RFFL: variants seen among roughly 807,000 people sequenced by gnomAD.
RFFL encodes the protein ring finger and FYVE like domain containing E3 ubiquitin protein ligase, also known as E3 ubiquitin-protein ligase rififylin.
Under a neutral mutation model 40.4 loss-of-function variants are expected in RFFL, and 16 were observed. The ratio of observed to expected loss-of-function variants is 0.40; its 90% CI spans 0.27 to 0.60. RFFL has a LOEUF of 0.60. Ranked by LOEUF, RFFL falls within the 20% of genes least tolerant of loss-of-function variation. RFFL has a pLI of 0.47. For synonymous variants in RFFL, 154 were observed against 167.9 expected (o/e 0.92, Z 0.64); for missense variants, 367 against 451.7 (o/e 0.81, Z 1.70).
intron 1 of RFFL, among the ~76,000 whole-genome samples, chr17:35,084,997 A>G (rs1384876760): frequency 1.3e-5 from 2 of 152,178 alleles, no homozygotes; most frequent in Non-Finnish European, 1.5e-5. Flanking sequence ...CATAGTAGTA[A>G]TAATAAATTA....
At chr17:35,081,070 A>T (rs1216900869) in intron 1 of RFFL, among the ~76,000 whole-genome samples, 1 of 152,220 alleles carries the variant, frequency 6.6e-6, no homozygotes, top group Non-Finnish European at 1.5e-5. Context: ...TGAGAGAGCA[A>T]GAAGGTTTTG....
chr17:35,078,979 CAAAA>C (rs1035264568), intron 1 of RFFL, among the ~76,000 whole-genome samples: 2 of 77,244 alleles, frequency 2.6e-5, no homozygotes, highest in Non-Finnish European at 2.9e-5. Context: ...GACACTGTTT[CAAAA>C]AAAAAAAAAA....
chr17:35,059,508 A>T (rs2091280146), intron 1 of RFFL, among the ~76,000 whole-genome samples: 1 of 152,228 alleles, frequency 6.6e-6, no homozygotes, highest in African/African-American at 2.4e-5. Flanking sequence ...CCACAAAATC[A>T]TAGGCAATAA....
chr17:35,077,576 A>G lies in RFFL; in HGVS notation c.-9+11529T>C, dbSNP rs554323527. Among the ~76,000 whole-genome samples, 14 of 152,320 alleles carry G rather than the reference A, an allele frequency of 9.2e-5. 1 individual carries two copies. The highest frequency in any genetic ancestry group is 3.1e-4 in the African/African-American group (13 of 41,554). ...CACCACAGATAGTTTAAGAAGCACA[A>G]ACTTTTCACACTATGAAGTGCCAGT... On this transcript the variant is annotated intron_variant, in intron 1 of 6. Coordinates refer to the RFFL transcript ENST00000315249.
Position 35,045,693 on chromosome 17 carries a change from C to T in RFFL, c.-9+17883G>A, listed in dbSNP as rs562317394. On this transcript the variant is annotated intron_variant, in intron 1 of 6. Transcript: ENST00000394597. ...TTAACTAATGATAACAGCAATAGAG[C>T]GCTTTTTAAAAAAAAAGGACAGAAA... 9.9e-5 allele frequency among the ~76,000 whole-genome samples: 15 copies of T among 152,014 alleles called. No homozygotes were observed. The East Asian group carries it at 2.3e-3, about 23-fold the overall frequency.
At chr17:35,047,833 C>T (rs2091208828) in intron 1 of RFFL, among the ~76,000 whole-genome samples, 1 of 151,798 alleles carries the variant, frequency 6.6e-6, no homozygotes, top group Admixed American at 6.6e-5. Context: ...CTCACTGCAG[C>T]CTCTGCCTCC....
chr17:35,021,556 G>A lies in RFFL; in HGVS notation c.406C>T (p.Gln136Ter). ...KEELVLLVLG[Q>*]QPVISQEDRT... ...TCCTCCTGGGAGATTACAGGCTGCT[G>A]GCCAAGGACCAAGAGCACCAGCTCT... The change falls in exon 3 of 7, where the codon CAG (glutamine) becomes TAG (stop). Residue 136 changes from glutamine (Q) to a stop codon, truncating the protein, a stop_gained. Coordinates refer to ENST00000394597, the MANE Select transcript of RFFL (RefSeq NM_001017368.2). LOFTEE classifies it high-confidence loss of function. 6.2e-7 allele frequency: 1 copy of A among 1,614,112 alleles called. No homozygotes were observed. The highest frequency in any genetic ancestry group is 8.5e-7 in the Non-Finnish European group (1 of 1,179,990).
intron 3 of RFFL, among the ~76,000 whole-genome samples, chr17:35,019,820 G>T (rs1003688801): frequency 3.3e-5 from 5 of 152,100 alleles, no homozygotes; most frequent in African/African-American, 7.2e-5. Flanking sequence ...GCTTAGGAAA[G>T]AATTAAAGTC....
chr17:35,023,205 G>A (rs1205298127), intron 2 of RFFL, among the ~76,000 whole-genome samples: 3 of 152,218 alleles, frequency 2.0e-5, no homozygotes, highest in Admixed American at 6.5e-5. Flanking sequence ...TCGAAATATA[G>A]AAAGATATTC....
chr17:35,014,794 G>C lies in RFFL; in HGVS notation c.887-31C>G, dbSNP rs186555884. ...AAGGAAAGAGAAGGATGTCTGAATA[G>C]GTAAGGCATGATGGTACAAATACAG... On this transcript the variant is annotated intron_variant, in intron 5 of 6. Coordinates refer to ENST00000394597, the MANE Select transcript of RFFL (RefSeq NM_001017368.2). 28 of 1,605,514 alleles carry C rather than the reference G, an allele frequency of 1.7e-5. No homozygotes were observed. The Middle Eastern group carries it at 5.0e-4, about 28-fold the overall frequency.
chr17:35,078,736 T>C (rs758034266), intron 1 of RFFL, among the ~76,000 whole-genome samples: 4 of 152,104 alleles, frequency 2.6e-5, no homozygotes, highest in Non-Finnish European at 5.9e-5. Flanking sequence ...TCCCAACACT[T>C]TGGGAGGCCG....
intron 1 of RFFL, among the ~76,000 whole-genome samples, chr17:35,031,117 T>A (rs1032825945): frequency 1.3e-5 from 2 of 151,916 alleles, no homozygotes; most frequent in Admixed American, 6.6e-5. Context: ...ATTCACTAAC[T>A]TTTTTTTGGG....
intron 1 of RFFL, among the ~76,000 whole-genome samples, chr17:35,084,453 G>C (rs987886079): frequency 2.0e-5 from 3 of 151,902 alleles, no homozygotes; most frequent in African/African-American, 7.3e-5. Flanking sequence ...AATTAGCCGG[G>C]TGTGGTGACA....
In RFFL at chr17:35,029,112, C is replaced by T. The variant is rs145722973; in HGVS notation, c.-8-2551G>A. Among the ~76,000 whole-genome samples, 973 of 152,056 alleles carry T rather than the reference C, an allele frequency of 6.4e-3. 7 individuals are homozygous for T. Among genetic ancestry groups the T allele is most frequent in the Non-Finnish European group, 9.9e-3 (670 of 68,018 alleles). The stretch of plus-strand genomic sequence containing the variant: ...AACATTTCTCTCTGACTCAATATAA[C>T]CTGTCTGAGGGTTCTAAGTTCCCAG... On this transcript the variant is annotated intron_variant, in intron 1 of 6. Coordinates refer to ENST00000394597, the MANE Select transcript of RFFL (RefSeq NM_001017368.2).
upstream of RFFL, among the ~76,000 whole-genome samples, chr17:35,065,345 C>T (rs780545538): frequency 1.3e-4 from 20 of 152,178 alleles, no homozygotes; most frequent in Non-Finnish European, 2.6e-4. Context: ...CACCTGAGGT[C>T]GGGAGTTCAA....
chr17:35,016,465 C>A lies in RFFL; in HGVS notation c.791G>T (p.Arg264Leu). Residue 264 changes from arginine (R) to leucine (L), a missense_variant, in exon 5 of 7, where the codon CGC (arginine) becomes CTC (leucine). Arg to Leu is a moderately radical substitution (Grantham distance 102, BLOSUM62 -2). Coordinates refer to ENST00000394597, the MANE Select transcript of RFFL (RefSeq NM_001017368.2). ...GCAGCCCTTGTAGTTGACAAAGTTG[C>A]GAGCCAAGATCTCTTTCAGCTGCCG... ...TVRQLKEILA[R>L]NFVNYKGCCE... 4 of 1,614,188 alleles carry A rather than the reference C, an allele frequency of 2.5e-6. No homozygotes were observed. Among genetic ancestry groups the A allele is most frequent in the Non-Finnish European group, 3.4e-6 (4 of 1,180,022 alleles).
chr17:35,012,893 T>G (rs899544292), intron 6 of RFFL, among the ~76,000 whole-genome samples: 2 of 152,272 alleles, frequency 1.3e-5, no homozygotes, highest in East Asian at 3.8e-4. Context: ...AATTATATGC[T>G]TAGCATTTAT....
At chr17:35,019,961 C>T (rs1344765587) in intron 3 of RFFL, among the ~76,000 whole-genome samples, 1 of 152,172 alleles carries the variant, frequency 6.6e-6, no homozygotes, top group Non-Finnish European at 1.5e-5. Context: ...CCAGTCCTGG[C>T]AAAGGAGGTG....
intron 1 of RFFL, among the ~76,000 whole-genome samples, chr17:35,083,853 T>G (rs2091415420): frequency 6.6e-6 from 1 of 151,246 alleles, no homozygotes; most frequent in Non-Finnish European, 1.5e-5. Flanking sequence ...TGGGGCCTGA[T>G]GTACAGGAGA....
Sources: gnomAD v4.1 joint callset for allele counts (sites outside exome capture counted in the v4.1 genomes callset) on GRCh38, gnomAD v4.1.1 for gene constraint, MANE v1.5 for transcripts, NCBI Gene and HGNC (gene_info 2026-07-23, HGNC 2026-07-21) for gene names.